The following OPCML variants were observed in gnomAD, a reference collection of about 807,000 sequenced individuals.
OPCML encodes the protein opioid binding protein/cell adhesion molecule like, also known as opioid-binding protein/cell adhesion molecule.
A neutral mutation model predicts 37.8 loss-of-function variants in OPCML; 13 were observed. That is an observed-to-expected ratio of 0.34 (90% CI 0.22 to 0.55). The LOEUF (loss-of-function observed/expected upper bound fraction) is 0.55, where lower values mean the gene tolerates loss of function less well. Ranked by LOEUF, OPCML falls within the 20% of genes least tolerant of loss-of-function variation. The pLI, the probability that OPCML is intolerant of heterozygous loss-of-function variation, is 0.91. For synonymous variants in OPCML, 176 were observed against 168.8 expected (o/e 1.04, Z -0.33); for missense variants, 341 against 435.6 (o/e 0.78, Z 1.93).
At chr11:132,584,468 T>C (rs1169911624) in intron 3 of OPCML, among the ~76,000 whole-genome samples, 2 of 152,212 alleles carry the variant, frequency 1.3e-5, no homozygotes, top group East Asian at 3.8e-4. Context: ...TTTTGATAAA[T>C]TTAAGTGATC....
chr11:132,962,595 G>A, intron 1 of OPCML, among the ~76,000 whole-genome samples: 1 of 152,214 alleles, frequency 6.6e-6, no homozygotes, highest in East Asian at 1.9e-4. Context: ...CCCAGTTAAA[G>A]ACATGTCATT....
intron 2 of OPCML, among the ~76,000 whole-genome samples, chr11:132,707,926 C>T (rs1036742117): frequency 2.0e-5 from 3 of 152,068 alleles, no homozygotes; most frequent in African/African-American, 7.2e-5. Context: ...TATGACAGTT[C>T]TCTCAAATGG....
chr11:133,032,408 G>A (rs1947691420), intron 1 of OPCML, among the ~76,000 whole-genome samples: 1 of 152,148 alleles, frequency 6.6e-6, no homozygotes, highest in East Asian at 1.9e-4. Context: ...CATCCAGAAT[G>A]TGTAGTCTAT....
Position 132,558,394 on chromosome 11 carries a change from C to T in OPCML, c.380-29208G>A, listed in dbSNP as rs112470812. On this transcript the variant is annotated intron_variant, in intron 3 of 7. Transcript: ENST00000524381. ...CTCCTCTTCCCCTCCTCCCCTCTCC[C>T]CCTCCTCCTCTTCCCCTTCTCCCCT... Among the ~76,000 whole-genome samples the T allele has an allele frequency of 1.5e-3, 13 of 8,946 alleles. 1 individual carries two copies. The highest frequency in any genetic ancestry group is 5.0e-3 in the Admixed American group (3 of 598). The allele number at this position is 8,946 out of a possible 152,430, so 5.9% of individuals were successfully genotyped here.
intron 1 of OPCML, among the ~76,000 whole-genome samples, chr11:133,511,469 T>C (rs967496980): frequency 2.0e-5 from 3 of 152,136 alleles, no homozygotes; most frequent in African/African-American, 7.2e-5. Flanking sequence ...TTGCTTACTC[T>C]GCTTGAGCCT....
chr11:133,309,820 A>G (rs1318596610), intron 1 of OPCML, among the ~76,000 whole-genome samples: 1 of 152,160 alleles, frequency 6.6e-6, no homozygotes, highest in Non-Finnish European at 1.5e-5. Context: ...CCAGTGATAG[A>G]TGAGATGATG....
At chr11:132,506,875 T>C (rs2096258095) in intron 4 of OPCML, among the ~76,000 whole-genome samples, 1 of 152,010 alleles carries the variant, frequency 6.6e-6, no homozygotes, top group African/African-American at 2.4e-5. Flanking sequence ...TCAGTTTTAA[T>C]ACCTGCAAGT....
chr11:132,661,359 AT>A (rs1169675513), intron 2 of OPCML, among the ~76,000 whole-genome samples: 1 of 152,176 alleles, frequency 6.6e-6, no homozygotes, highest in Non-Finnish European at 1.5e-5. Context: ...GAGGAAAGTT[AT>A]TTTCCTCATG....
chr11:132,716,828 CTT>C (rs1158736261), intron 2 of OPCML, among the ~76,000 whole-genome samples: 1 of 152,026 alleles, frequency 6.6e-6, no homozygotes, highest in Non-Finnish European at 1.5e-5. Flanking sequence ...AGGTGAGTCT[CTT>C]ATAAAACCAA....
chr11:132,966,619 G>A (rs1444005120), intron 1 of OPCML, among the ~76,000 whole-genome samples: 1 of 151,898 alleles, frequency 6.6e-6, no homozygotes, highest in African/African-American at 2.4e-5. Flanking sequence ...CATCTGCCTA[G>A]TTTCATATAT....
At chr11:132,436,404 C>G in intron 6 of OPCML, 167 bp from the exon 7 acceptor site, 2 of 982,152 alleles carry the variant, frequency 2.0e-6, no homozygotes, top group Non-Finnish European at 2.4e-6. Flanking sequence ...GATAAATGTA[C>G]TGGCTTCTAA....
chr11:133,475,359 CA>C (rs1432253072), intron 1 of OPCML, among the ~76,000 whole-genome samples: 1 of 152,072 alleles, frequency 6.6e-6, no homozygotes, highest in Non-Finnish European at 1.5e-5. Flanking sequence ...AACAATCACT[CA>C]TTTCTCCTCC....
intron 1 of OPCML, among the ~76,000 whole-genome samples, chr11:133,521,031 C>T (rs184597473): frequency 2.6e-5 from 4 of 152,192 alleles, no homozygotes; most frequent in East Asian, 3.9e-4. Context: ...CATCACAAGC[C>T]GTCCTAGCCA....
At chr11:132,506,318 GAAGA>G (rs1323741607) in intron 4 of OPCML, among the ~76,000 whole-genome samples, 1 of 152,150 alleles carries the variant, frequency 6.6e-6, no homozygotes, top group Non-Finnish European at 1.5e-5. Flanking sequence ...TCACCTGAAG[GAAGA>G]CATATCCTAA....
chr11:132,490,646 G>A (rs1374417855), intron 4 of OPCML, among the ~76,000 whole-genome samples: 2 of 151,750 alleles, frequency 1.3e-5, no homozygotes, highest in African/African-American at 4.8e-5. Context: ...GTGAAACCCC[G>A]TCTCTACTAA....
At chr11:132,695,071 C>G (rs1046020971) in intron 2 of OPCML, among the ~76,000 whole-genome samples, 3 of 152,142 alleles carry the variant, frequency 2.0e-5, no homozygotes, top group Admixed American at 2.0e-4. Context: ...CACTTGCAGC[C>G]AAATACAACC....
In OPCML at chr11:132,605,902, G is replaced by A. The variant is rs954977657; in HGVS notation, c.379+51185C>T. ...AATGAATGAGAAGAGCAAAGTCCAT[G>A]GTTTGCCAGTGACCAGCAGCTTCCT... On this transcript the variant is annotated intron_variant, in intron 3 of 7. Transcript: ENST00000524381. 2.1e-4 allele frequency among the ~76,000 whole-genome samples: 32 copies of A among 152,270 alleles called. 1 individual carries two copies. The East Asian group carries it at 6.2e-3, about 29-fold the overall frequency.
At chr11:132,974,864 T>G (rs1211687648) in intron 1 of OPCML, among the ~76,000 whole-genome samples, 1 of 151,640 alleles carries the variant, frequency 6.6e-6, no homozygotes, top group Non-Finnish European at 1.5e-5. Context: ...GATTACCTTC[T>G]TCTGCTTGGA....
intron 1 of OPCML, among the ~76,000 whole-genome samples, chr11:133,019,231 G>T (rs999051456): frequency 6.6e-6 from 1 of 152,192 alleles, no homozygotes; most frequent in African/African-American, 2.4e-5. Flanking sequence ...ACATAAAGCT[G>T]CAGACCAGAC....
Sources: allele counts gnomAD v4.1 joint callset (sites outside exome capture counted in the v4.1 genomes callset), GRCh38; gene constraint gnomAD v4.1.1; transcripts MANE v1.5; gene names NCBI Gene and HGNC (gene_info 2026-07-23, HGNC 2026-07-21).